Variants in NPAS2 observed in about 807,000 individuals in gnomAD.
NPAS2 encodes neuronal PAS domain-containing protein 2.
Under a neutral mutation model 107.5 loss-of-function variants are expected in NPAS2, and 23 were observed. The ratio of observed to expected loss-of-function variants is 0.21; its 90% CI spans 0.15 to 0.30. The LOEUF is 0.30. Among genes scored for constraint, NPAS2 ranks in the 10% least tolerant of loss-of-function variants. NPAS2 has a pLI of 1.00. For missense variants in NPAS2, 756 were observed against 1,043.3 expected (o/e 0.72, Z 3.79); for synonymous variants, 403 against 417.5 (o/e 0.97, Z 0.42).
chr2:100,972,967 T>G (rs1676691981), intron 12 of NPAS2: 2 of 152,044 alleles, frequency 1.3e-5, no homozygotes. Context: ...GATCACAAGG[T>G]CAGGAGTTCC....
At chr2:100,850,132 G>C (rs1678073551) in intron 1 of NPAS2, among the ~76,000 whole-genome samples, 1 of 150,576 alleles carries the variant, frequency 6.6e-6, no homozygotes. Context: ...ACAGATTTGA[G>C]TTAAACTCAT....
intron 4 of NPAS2, among the ~76,000 whole-genome samples, chr2:100,937,481 T>A (rs1684398234): frequency 6.6e-6 from 1 of 152,230 alleles, no homozygotes; most frequent in South Asian, 2.1e-4. Flanking sequence ...ACTTAGGGAA[T>A]TTCCATGGCT....
intron 1 of NPAS2, among the ~76,000 whole-genome samples, chr2:100,886,802 G>C (rs1038248010): frequency 6.6e-6 from 1 of 152,214 alleles, no homozygotes; most frequent in African/African-American, 2.4e-5. Context: ...AGGAGAAAGA[G>C]AGAAAGGAGG....
chr2:100,882,315 C>CA (rs954585420), intron 1 of NPAS2, among the ~76,000 whole-genome samples: 1 of 152,072 alleles, frequency 6.6e-6, no homozygotes, highest in South Asian at 2.1e-4. Context: ...TGACTTAAAA[C>CA]AAAAAAACAA....
At chr2:100,889,725 G>T (rs978385433) in intron 1 of NPAS2, among the ~76,000 whole-genome samples, 2 of 151,996 alleles carry the variant, frequency 1.3e-5, no homozygotes, top group Non-Finnish European at 2.9e-5. Context: ...TTCCCAGCTG[G>T]GCCTGCATCC....
chr2:100,909,469 C>A (rs1372839463), intron 2 of NPAS2, among the ~76,000 whole-genome samples: 1 of 152,218 alleles, frequency 6.6e-6, no homozygotes, highest in African/African-American at 2.4e-5. Context: ...GGTCTGAAAG[C>A]AAAGGTCTGC....
intron 5 of NPAS2, among the ~76,000 whole-genome samples, chr2:100,946,177 G>T (rs1674885052): frequency 6.6e-6 from 1 of 152,234 alleles, no homozygotes; most frequent in Non-Finnish European, 1.5e-5. Flanking sequence ...AGCAGTGGAG[G>T]CAGGTGAGCT....
intron 19 of NPAS2, among the ~76,000 whole-genome samples, chr2:100,993,060 G>A (rs554122061): frequency 6.6e-6 from 1 of 151,952 alleles, no homozygotes; most frequent in Non-Finnish European, 1.5e-5. Flanking sequence ...CTCCCAAGTA[G>A]CTGGGACTAC....
intron 2 of NPAS2, among the ~76,000 whole-genome samples, chr2:100,910,002 T>C (rs1682440287): frequency 6.6e-6 from 1 of 151,886 alleles, no homozygotes; most frequent in Non-Finnish European, 1.5e-5. Context: ...CTCAGAGGAG[T>C]TGTCAGAGAA....
At chr2:100,915,388 C>T (rs1282988437) in intron 2 of NPAS2, among the ~76,000 whole-genome samples, 2 of 152,154 alleles carry the variant, frequency 1.3e-5, no homozygotes, top group Non-Finnish European at 2.9e-5. Context: ...GCCTGGGAAC[C>T]AGAAGGTACT....
intron 5 of NPAS2, among the ~76,000 whole-genome samples, chr2:100,940,953 C>A (rs1674538931): frequency 6.6e-6 from 1 of 152,132 alleles, no homozygotes; most frequent in Admixed American, 6.5e-5. Context: ...AGGCTGTGGG[C>A]CCCAGCAGCA....
chr2:100,979,494 ATATATATATTT>A (rs563488886), intron 15 of NPAS2, among the ~76,000 whole-genome samples: 1,098 of 74,224 alleles, frequency 0.015, 2 homozygotes, highest in African/African-American at 0.052. Flanking sequence ...ATATATATAT[ATATATATATTT>A]TTTTTTTTTT....
intron 1 of NPAS2, among the ~76,000 whole-genome samples, chr2:100,902,195 C>A (rs568762899): frequency 6.6e-6 from 1 of 152,308 alleles, no homozygotes; most frequent in African/African-American, 2.4e-5. Flanking sequence ...TGCTTTTCTT[C>A]CCTTCCATCC....
intron 2 of NPAS2, among the ~76,000 whole-genome samples, chr2:100,910,650 T>C (rs1194606293): frequency 6.6e-6 from 1 of 151,552 alleles, no homozygotes; most frequent in East Asian, 1.9e-4. Context: ...TCCCACAGCC[T>C]CCCAAGTAGC....
chr2:100,972,868 A>G (rs898371534), intron 12 of NPAS2: 1 of 152,216 alleles, frequency 6.6e-6, no homozygotes, highest in Non-Finnish European at 1.5e-5. Context: ...CTTCTCATCA[A>G]AATGCATATA....
intron 2 of NPAS2, among the ~76,000 whole-genome samples, chr2:100,908,213 A>G (rs760211583): frequency 1.1e-4 from 17 of 152,110 alleles, no homozygotes; most frequent in Non-Finnish European, 2.2e-4. Flanking sequence ...TGGGGTGATA[A>G]TAGTAGCTAC....
At chr2:100,911,074 T>C (rs963296032) in intron 2 of NPAS2, among the ~76,000 whole-genome samples, 1 of 152,216 alleles carries the variant, frequency 6.6e-6, no homozygotes, top group African/African-American at 2.4e-5. Flanking sequence ...CCAAAATAAT[T>C]GCGGACTGTA....
intron 4 of NPAS2, among the ~76,000 whole-genome samples, chr2:100,935,451 A>G (rs1444804552): frequency 1.3e-5 from 2 of 152,202 alleles, no homozygotes; most frequent in Non-Finnish European, 2.9e-5. Flanking sequence ...GCACTTTGCA[A>G]TCACTTGCTG....
chr2:100,935,845 T>C (rs910086816), intron 4 of NPAS2, among the ~76,000 whole-genome samples: 1 of 152,232 alleles, frequency 6.6e-6, no homozygotes, highest in Non-Finnish European at 1.5e-5. Flanking sequence ...GATGTACTTC[T>C]TCGTTTACTG....
Sources: allele counts gnomAD v4.1 joint callset (sites outside exome capture counted in the v4.1 genomes callset), GRCh38; gene constraint gnomAD v4.1.1; transcripts MANE v1.5; gene names NCBI Gene and HGNC (gene_info 2026-07-23, HGNC 2026-07-21).